The following RBFOX1 variants were observed in gnomAD, a reference collection of about 807,000 sequenced individuals.
RBFOX1 encodes the protein RNA binding fox-1 homolog 1, also known as RNA binding protein fox-1 homolog 1.
RBFOX1 carries 8 observed loss-of-function variants against 57.7 expected under a neutral mutation model. The observed-to-expected ratio is 0.14, with a 90% CI of 0.08 to 0.25. RBFOX1 has a LOEUF of 0.25. RBFOX1 is among the 10% of genes least tolerant of loss of function. RBFOX1 has a pLI of 1.00. For synonymous variants in RBFOX1, 326 were observed against 222.4 expected (o/e 1.47, Z -4.15); for missense variants, 611 against 548.5 (o/e 1.11, Z -1.14).
At chr16:5,558,988 C>T (rs1326573684) in intron 2 of RBFOX1, among the ~76,000 whole-genome samples, 3 of 151,962 alleles carry the variant, frequency 2.0e-5, no homozygotes, top group Non-Finnish European at 4.4e-5. Context: ...GAGGTGATCC[C>T]ACACTCTCAC....
At chr16:5,952,026 C>G (rs1010005046) in intron 4 of RBFOX1, among the ~76,000 whole-genome samples, 1 of 150,620 alleles carries the variant, frequency 6.6e-6, no homozygotes, top group African/African-American at 2.4e-5. Flanking sequence ...TGCACACACA[C>G]ACATATATAT....
intron 3 of RBFOX1, among the ~76,000 whole-genome samples, chr16:5,764,210 C>G (rs1466676219): frequency 6.6e-6 from 1 of 152,200 alleles, no homozygotes; most frequent in East Asian, 1.9e-4. Flanking sequence ...CCAATGTCAT[C>G]TGGACACCAC....
intron 1 of RBFOX1, among the ~76,000 whole-genome samples, chr16:6,238,317 G>A (rs1364606442): frequency 6.6e-6 from 1 of 152,024 alleles, no homozygotes; most frequent in Non-Finnish European, 1.5e-5. Flanking sequence ...TCCCTCTTCA[G>A]GTTTGCCCTT....
At chr16:7,183,205 C>CTG (rs2083073019) in intron 4 of RBFOX1, among the ~76,000 whole-genome samples, 1 of 152,138 alleles carries the variant, frequency 6.6e-6, no homozygotes, top group Non-Finnish European at 1.5e-5. Context: ...TCCTGGCTGC[C>CTG]TGTGTCTGAA....
chr16:6,911,322 A>C (rs1004382478), intron 3 of RBFOX1, among the ~76,000 whole-genome samples: 3 of 152,058 alleles, frequency 2.0e-5, no homozygotes. Context: ...GTTTTGCCTT[A>C]CACTTGTGGA....
upstream of RBFOX1, among the ~76,000 whole-genome samples, chr16:6,018,479 A>G (rs2095013798): frequency 6.6e-6 from 1 of 152,162 alleles, no homozygotes; most frequent in African/African-American, 2.4e-5. Flanking sequence ...CTAGGAGGAC[A>G]ATCCCTAGAC....
At chr16:6,029,135 T>C (rs2880653) in intron 1 of RBFOX1, among the ~76,000 whole-genome samples, 1,768 of 152,336 alleles carry the variant, frequency 0.012, 27 homozygotes, top group African/African-American at 0.04. Context: ...TCTCACCCCA[T>C]GACTCTTTGA....
intron 4 of RBFOX1, among the ~76,000 whole-genome samples, chr16:7,338,429 T>C (rs2096833483): frequency 6.6e-6 from 1 of 152,210 alleles, no homozygotes; most frequent in African/African-American, 2.4e-5. Flanking sequence ...AGGGTCTCAC[T>C]CTGTCACTCA....
Position 6,773,585 on chromosome 16 carries a change from T to TTG in RBFOX1, c.-16+118951_-16+118952dup, listed in dbSNP as rs113691022. ...GTGTATGTGTGGGTGTGGGGTGCAT[T>TTG]TGTGTGTGTGTGTGTGTATGTGCAT... On this transcript the variant is annotated intron_variant, in intron 3 of 15. Transcript: ENST00000550418. 7.4e-4 allele frequency among the ~76,000 whole-genome samples: 93 copies of TTG among 125,480 alleles called. 1 individual carries two copies. The highest frequency in any genetic ancestry group is 2.9e-3 in the East Asian group (11 of 3,840). 82.3% of individuals were successfully genotyped at this position (125,480 alleles called of 152,430 possible).
chr16:7,239,701 T>C (rs2093958237), intron 4 of RBFOX1, among the ~76,000 whole-genome samples: 2 of 152,188 alleles, frequency 1.3e-5, no homozygotes, highest in South Asian at 4.1e-4. Context: ...TTCTGGGTCT[T>C]TGATCTAGGC....
At chr16:6,986,789 A>T (rs925173643) in intron 3 of RBFOX1, among the ~76,000 whole-genome samples, 1 of 152,100 alleles carries the variant, frequency 6.6e-6, no homozygotes, top group South Asian at 2.1e-4. Context: ...TGCCTTTAAG[A>T]AAATAACTGA....
At chr16:6,898,714 T>A (rs999894459) in intron 3 of RBFOX1, among the ~76,000 whole-genome samples, 2 of 152,104 alleles carry the variant, frequency 1.3e-5, no homozygotes, top group East Asian at 1.9e-4. Flanking sequence ...CTATAATATA[T>A]GTGTGTATGT....
At chr16:7,263,765 A>G (rs996573840) in intron 4 of RBFOX1, among the ~76,000 whole-genome samples, 2 of 151,978 alleles carry the variant, frequency 1.3e-5, no homozygotes, top group African/African-American at 4.8e-5. Context: ...GTGTGGTGGC[A>G]CGTGCCTGTA....
At chr16:5,843,018 G>T (rs763090430) in intron 3 of RBFOX1, among the ~76,000 whole-genome samples, 14 of 149,098 alleles carry the variant, frequency 9.4e-5, no homozygotes, top group African/African-American at 1.8e-4. Context: ...TAGTAGAGAC[G>T]GGGTTTCACC....
chr16:6,663,859 A>C (rs57786931), intron 3 of RBFOX1, among the ~76,000 whole-genome samples: 1 of 152,168 alleles, frequency 6.6e-6, no homozygotes, highest in South Asian at 2.1e-4. Context: ...CTGGAGGTTG[A>C]GCATGGCATG....
chr16:7,248,065 A>G (rs1334613159), intron 4 of RBFOX1, among the ~76,000 whole-genome samples: 1 of 152,200 alleles, frequency 6.6e-6, no homozygotes, highest in Non-Finnish European at 1.5e-5. Context: ...AAAAAAATAG[A>G]ATATGGTTCT....
intron 2 of RBFOX1, among the ~76,000 whole-genome samples, chr16:5,470,457 C>G (rs141675024): frequency 1.1e-3 from 175 of 152,280 alleles, no homozygotes; most frequent in Non-Finnish European, 2.2e-3. Flanking sequence ...TTGTTTAACC[C>G]AGATACACAT....
At chr16:7,141,973 C>T (rs1321193457) in intron 4 of RBFOX1, among the ~76,000 whole-genome samples, 2 of 151,158 alleles carry the variant, frequency 1.3e-5, no homozygotes, top group South Asian at 2.1e-4. Context: ...TTTTCCTTCT[C>T]CTTCTTCTCC....
chr16:6,657,543 C>G (rs75647692), intron 3 of RBFOX1, among the ~76,000 whole-genome samples: 2,288 of 152,222 alleles, frequency 0.015, 33 homozygotes, highest in Non-Finnish European at 0.022. Flanking sequence ...GGAGTGCACT[C>G]TGGTGCCTCT....
Sources: gnomAD v4.1 joint callset for allele counts (sites outside exome capture counted in the v4.1 genomes callset) on GRCh38, gnomAD v4.1.1 for gene constraint, MANE v1.5 for transcripts, NCBI Gene and HGNC (gene_info 2026-07-23, HGNC 2026-07-21) for gene names.